Variants in RYR3 observed in about 807,000 individuals in gnomAD.
RYR3 encodes brain ryanodine receptor-calcium release channel.
RYR3 carries 207 observed loss-of-function variants against 584.3 expected under a neutral mutation model. The observed-to-expected ratio is 0.35, with a 90% CI of 0.32 to 0.40. The LOEUF is 0.40. Among genes scored for constraint, RYR3 ranks in the 10% least tolerant of loss-of-function variants. RYR3 has a pLI of 1.00. For missense variants in RYR3, 5,616 were observed against 6,089.2 expected, an observed-to-expected ratio of 0.92 and a Z score of 2.59; for synonymous variants, 2,416 against 2,248.5, an observed-to-expected ratio of 1.07 and a Z score of -2.11.
intron 93 of RYR3, among the ~76,000 whole-genome samples, chr15:33,845,657 A>C (rs1047268227): frequency 6.6e-6 from 1 of 152,176 alleles, no homozygotes; most frequent in African/African-American, 2.4e-5. Context: ...CATTTCAGGT[A>C]CCTCTTGTTG....
At chr15:33,507,291 T>G (rs970230841) in intron 3 of RYR3, among the ~76,000 whole-genome samples, 1 of 152,232 alleles carries the variant, frequency 6.6e-6, no homozygotes, top group African/African-American at 2.4e-5. Flanking sequence ...TTCTTTATTA[T>G]TTAAATGTCA....
chr15:33,825,533 C>A, intron 81 of RYR3, 70 bp from the exon 82 acceptor site: 1 of 972,360 alleles, frequency 1.0e-6, no homozygotes, highest in Non-Finnish European at 1.6e-6. Flanking sequence ...TCGATAGGTA[C>A]ATTAACATTA....
chr15:33,464,549 T>C (rs2048337631), intron 1 of RYR3, among the ~76,000 whole-genome samples: 1 of 147,430 alleles, frequency 6.8e-6, no homozygotes, highest in Non-Finnish European at 1.5e-5. Context: ...TGTAAATATA[T>C]ACAAATATAG....
intron 3 of RYR3, among the ~76,000 whole-genome samples, chr15:33,513,245 C>T (rs1195809019): frequency 6.6e-6 from 1 of 152,148 alleles, no homozygotes; most frequent in African/African-American, 2.4e-5. Context: ...TGAACTAGAG[C>T]AAACTTCAAT....
chr15:33,514,220 C>T (rs186621729), intron 3 of RYR3, among the ~76,000 whole-genome samples: 1 of 152,056 alleles, frequency 6.6e-6, no homozygotes, highest in Admixed American at 6.5e-5. Flanking sequence ...TGTTTTTGTT[C>T]GAGAGAGAAA....
chr15:33,591,881 T>A (rs542918400), intron 16 of RYR3, among the ~76,000 whole-genome samples: 40 of 152,128 alleles, frequency 2.6e-4, no homozygotes, highest in Non-Finnish European at 5.1e-4. Context: ...TCAGAAAAAA[T>A]ATAGTTAGCA....
chr15:33,565,330 C>T (rs1241749479), intron 11 of RYR3, among the ~76,000 whole-genome samples: 2 of 152,162 alleles, frequency 1.3e-5, no homozygotes, highest in Non-Finnish European at 2.9e-5. Context: ...GATGTTCTCA[C>T]AAAGTAATAT....
intron 1 of RYR3, among the ~76,000 whole-genome samples, chr15:33,420,170 A>T (rs898313749): frequency 2.0e-5 from 3 of 152,196 alleles, no homozygotes; most frequent in Non-Finnish European, 1.5e-5. Flanking sequence ...TTGGAGAATC[A>T]AGCCTTGTTT....
chr15:33,842,562 T>C (rs940381598), intron 91 of RYR3, among the ~76,000 whole-genome samples: 5 of 152,186 alleles, frequency 3.3e-5, no homozygotes, highest in African/African-American at 1.2e-4. Context: ...CCTAGCACCA[T>C]TAGTGAGGGC....
At chr15:33,696,173 G>C in intron 38 of RYR3, 45 bp from the exon 39 acceptor site, 1 of 1,574,994 alleles carries the variant, frequency 6.3e-7, no homozygotes, top group Non-Finnish European at 8.6e-7. Context: ...AGCTCTCCCT[G>C]AGCCATGACA....
At chr15:33,768,543 A>G in intron 60 of RYR3, 115 bp from the exon 61 acceptor site, 1 of 889,124 alleles carries the variant, frequency 1.1e-6, no homozygotes, top group Non-Finnish European at 1.9e-6. Context: ...GCATCTCCCT[A>G]GAATGCCACT....
chr15:33,562,796 T>C, intron 10 of RYR3, 41 bp from the exon 11 acceptor site: 3 of 1,471,416 alleles, frequency 2.0e-6, no homozygotes, highest in Non-Finnish European at 2.8e-6. Context: ...TCTAATTTAA[T>C]CAGCTATGCC....
Position 33,821,621 on chromosome 15 carries a change from G to A in RYR3, c.10995+19G>A, listed in dbSNP as rs2288616. On this transcript the variant is annotated intron_variant, in intron 80 of 103. Coordinates refer to ENST00000634891, the MANE Select transcript of RYR3 (RefSeq NM_001036.6). Reference sequence around the variant, plus strand: ...GCAACAGGTAACGGGAACTTGCAGCGGCTGGGCAGGCTCCCGGGGTATTCC... The same window carrying A: ...GCAACAGGTAACGGGAACTTGCAGCAGCTGGGCAGGCTCCCGGGGTATTCC... 0.024 allele frequency: 39,013 copies of A among 1,610,832 alleles called. 3,198 individuals carry two copies. In the East Asian group the frequency reaches 0.34, roughly 14 times the overall value.
chr15:33,544,636 C>T (rs946491686), intron 8 of RYR3, among the ~76,000 whole-genome samples: 1 of 152,102 alleles, frequency 6.6e-6, no homozygotes, highest in African/African-American at 2.4e-5. Flanking sequence ...CTCAAGGACC[C>T]CCGCAGAAGC....
chr15:33,582,273 G>A (rs1271119711), intron 14 of RYR3, among the ~76,000 whole-genome samples: 1 of 152,208 alleles, frequency 6.6e-6, no homozygotes, highest in Admixed American at 6.5e-5. Flanking sequence ...GCCACCAGGA[G>A]TTGCTCAGAC....
At chr15:33,342,746 G>C (rs779393966) in intron 1 of RYR3, among the ~76,000 whole-genome samples, 8 of 152,104 alleles carry the variant, frequency 5.3e-5, no homozygotes, top group Non-Finnish European at 7.4e-5. Context: ...CACTGCTCTT[G>C]CCATTAGACT....
chr15:33,858,022 G>A (rs2079885011), intron 99 of RYR3, 108 bp downstream of exon 99: 1 of 1,392,708 alleles, frequency 7.2e-7, no homozygotes, highest in Non-Finnish European at 9.8e-7. Flanking sequence ...GAACTGTAGA[G>A]TTAGTTACAG....
At chr15:33,430,982 C>G (rs1412793498) in intron 1 of RYR3, among the ~76,000 whole-genome samples, 4 of 152,114 alleles carry the variant, frequency 2.6e-5, no homozygotes, top group Non-Finnish European at 5.9e-5. Flanking sequence ...TTACCTATTA[C>G]TGCTTAGAGG....
chr15:33,800,834 T>G lies in RYR3; in HGVS notation c.9895T>G (p.Phe3299Val). The change falls in exon 68 of 104, where the codon TTC (phenylalanine) becomes GTC (valine). Residue 3299 changes from phenylalanine (F) to valine (V), a missense_variant. Phe to Val is a conservative substitution (Grantham distance 50). Transcript: ENST00000634891. ...GCTCTTCCGCATGGTGGCAGAAGTC[T>G]TCATTCTGTGGTGTAAATCTCATGT... ...DQLFRMVAEV[F>V]ILWCKSHNFK... The G allele has an allele frequency of 1.2e-6, 2 of 1,613,418 alleles. No individual in the cohort carries two copies. Among genetic ancestry groups the G allele is most frequent in the Non-Finnish European group, 1.7e-6 (2 of 1,179,330 alleles).
Sources: allele counts gnomAD v4.1 joint callset (sites outside exome capture counted in the v4.1 genomes callset), GRCh38; gene constraint gnomAD v4.1.1; transcripts MANE v1.5; gene names NCBI Gene and HGNC (gene_info 2026-07-23, HGNC 2026-07-21).